The following CUBN variants were observed in gnomAD, a reference collection of about 807,000 sequenced individuals.
CUBN encodes cubilin.
A neutral mutation model predicts 405.3 loss-of-function variants in CUBN; 282 were observed. That is an observed-to-expected ratio of 0.70 (90% CI 0.63 to 0.77). CUBN has a LOEUF of 0.77. Among genes scored for constraint, CUBN ranks in the 30% least tolerant of loss-of-function variants. The probability of loss-of-function intolerance (pLI) is 0.00; values close to 1 mark genes in which losing one functional copy is unlikely to be tolerated. For synonymous variants in CUBN, 1,684 were observed against 1,617.0 expected, an observed-to-expected ratio of 1.04 and a Z score of -0.99; for missense variants, 4,514 against 4,475.2, an observed-to-expected ratio of 1.01 and a Z score of -0.25.
At chr10:16,947,689 A>G (rs114661587) in intron 35 of CUBN, among the ~76,000 whole-genome samples, 438 of 152,320 alleles carry the variant, frequency 2.9e-3, no homozygotes, top group African/African-American at 0.01. Context: ...CCAGGATTCT[A>G]TTCAACCCTG....
At chr10:17,113,655 G>A (rs79516083) in intron 8 of CUBN, among the ~76,000 whole-genome samples, 10,251 of 152,246 alleles carry the variant, frequency 0.067, 499 homozygotes, top group South Asian at 0.24. Flanking sequence ...ACTAGACTGT[G>A]GTGGAGATGC....
rs886046867 is a variant in CUBN, at chr10:16,906,299, G to C, written c.7816C>G (p.Pro2606Ala). 6.2e-7 allele frequency: 1 copy of C among 1,613,718 alleles called. No homozygotes were observed. The highest frequency in any genetic ancestry group is 8.5e-7 in the Non-Finnish European group (1 of 1,179,604). ...NLNCEWTLSN[P>A]NQGNSSISIH... is the part of the protein sequence containing the mutation. Reference sequence around the variant, plus strand: ...GAAATGGATGAATTTCCCTGATTTGGATTGCTGAGAGTCCATTCGCAGTTC... The same window carrying C: ...GAAATGGATGAATTTCCCTGATTTGCATTGCTGAGAGTCCATTCGCAGTTC... Residue 2606 changes from proline (P) to alanine (A), a missense_variant, in exon 50 of 67, where the codon CCA (proline) becomes GCA (alanine). Physicochemically the swap from Pro to Ala is conservative, Grantham distance 27. Around this residue, in one of 5 missense-constraint regions of CUBN, gnomAD observed 1,613 missense variants for 1,542.8 expected, o/e 1.05. Coordinates refer to ENST00000377833, the MANE Select transcript of CUBN (RefSeq NM_001081.4).
At chr10:17,022,244 A>C (rs1834519758) in intron 27 of CUBN, among the ~76,000 whole-genome samples, 1 of 152,168 alleles carries the variant, frequency 6.6e-6, no homozygotes, top group South Asian at 2.1e-4. Context: ...GCTGCTCATC[A>C]TAAGTGCTTG....
At chr10:16,979,023 T>C (rs146203306) in intron 31 of CUBN, among the ~76,000 whole-genome samples, 2,993 of 152,170 alleles carry the variant, frequency 0.02, 95 homozygotes, top group African/African-American at 0.069. Context: ...TGTGCAAAAA[T>C]CACAAGCATT....
intron 27 of CUBN, among the ~76,000 whole-genome samples, chr10:17,040,130 G>C (rs969358946): frequency 2.6e-5 from 4 of 152,078 alleles, no homozygotes; most frequent in African/African-American, 9.7e-5. Context: ...TTGTAAGTAA[G>C]ACTTCTAAAA....
intron 36 of CUBN, among the ~76,000 whole-genome samples, chr10:16,943,286 T>C (rs1347658382): frequency 1.3e-5 from 2 of 152,204 alleles, no homozygotes; most frequent in Non-Finnish European, 2.9e-5. Context: ...CACTACAGTA[T>C]AGACCATCTG....
At chr10:16,921,227 T>A (rs184844196) in intron 43 of CUBN, among the ~76,000 whole-genome samples, 11 of 152,338 alleles carry the variant, frequency 7.2e-5, no homozygotes, top group African/African-American at 2.6e-4. Context: ...TACATTAGGC[T>A]CCACTTTACA....
chr10:16,835,965 G>A (rs971523236), intron 63 of CUBN, among the ~76,000 whole-genome samples: 3 of 151,906 alleles, frequency 2.0e-5, no homozygotes, highest in Admixed American at 6.6e-5. Context: ...AAGATAATTG[G>A]CATATTTTTA....
At chr10:17,069,624 G>A (rs924860247) in intron 19 of CUBN, among the ~76,000 whole-genome samples, 4 of 152,140 alleles carry the variant, frequency 2.6e-5, no homozygotes, top group Non-Finnish European at 5.9e-5. Flanking sequence ...GCTCACTGCA[G>A]CCTCTACCTC....
intron 4 of CUBN, among the ~76,000 whole-genome samples, chr10:17,126,101 G>C (rs865865423): frequency 6.6e-6 from 1 of 152,034 alleles, no homozygotes; most frequent in South Asian, 2.1e-4. Context: ...GAATATTTTT[G>C]CAGAAATTCT....
intron 59 of CUBN, among the ~76,000 whole-genome samples, chr10:16,852,157 TTCCCTCCCTCCCTCTATCTTTCCC>T (rs1445729649): frequency 1.6e-3 from 154 of 94,068 alleles, no homozygotes; most frequent in African/African-American, 5.9e-3. Context: ...CACTCTATCT[TTCCCTCCCTCCCTCTATCTTTCCC>T]TCCCTCCCTC....
At chr10:17,104,329 G>A (rs940288657) in intron 12 of CUBN, 90 bp downstream of exon 12, 20 of 1,137,846 alleles carry the variant, frequency 1.8e-5, no homozygotes, top group Middle Eastern at 2.2e-4. Flanking sequence ...ACAAGAAAGT[G>A]GGTTCAGCAG....
rs186756888 is a variant in CUBN at position 17,051,276 on chromosome 10, G to A, written c.3140-3673C>T. Among the ~76,000 whole-genome samples, 691 of 152,156 alleles carry A rather than the reference G, an allele frequency of 4.5e-3. 19 individuals are homozygous for A. Among genetic ancestry groups the A allele is most frequent in the East Asian group, 2.9e-3 (15 of 5,170 alleles). On this transcript the variant is annotated intron_variant, in intron 22 of 66. Transcript: ENST00000377833. ...CTCAGGAGGCTAAGGCAGGAGGATC[G>A]CTTGAACCTGGGAGGTGGAGCTTGC...
rs35071026 is a variant in CUBN at position 17,026,631 on chromosome 10, C to CAA, written c.4018-6650_4018-6649dup. 7.1e-3 allele frequency among the ~76,000 whole-genome samples: 958 copies of CAA among 134,156 alleles called. 8 individuals are homozygous for CAA. Among genetic ancestry groups the CAA allele is most frequent in the East Asian group, 0.026 (125 of 4,860 alleles). 88.0% of individuals were successfully genotyped at this position (134,156 alleles called of 152,430 possible). On this transcript the variant is annotated intron_variant, in intron 27 of 66. Transcript: ENST00000377833. ...CCTGGGAAACAGAGCAAGATTCTCT[C>CAA]AAAAAAAAAAATAAATAAATAAATA...
At chr10:17,033,767 T>C (rs1834831581) in intron 27 of CUBN, among the ~76,000 whole-genome samples, 1 of 152,234 alleles carries the variant, frequency 6.6e-6, no homozygotes, top group Non-Finnish European at 1.5e-5. Flanking sequence ...TTTACTCTGA[T>C]GTGATTAGAA....
intron 59 of CUBN, among the ~76,000 whole-genome samples, chr10:16,868,001 G>T (rs182335855): frequency 4.6e-5 from 7 of 152,192 alleles, no homozygotes; most frequent in African/African-American, 1.4e-4. Context: ...TAGGACATTT[G>T]GTCTAAAGTC....
chr10:17,114,249 T>C (rs2131312467), intron 7 of CUBN, 60 bp from the exon 8 acceptor site: 1 of 1,547,362 alleles, frequency 6.5e-7, no homozygotes, highest in East Asian at 2.3e-5. Context: ...GAAAAGCCTT[T>C]GAACATTTCA....
chr10:17,119,672 A>G (rs1459592682), intron 6 of CUBN, among the ~76,000 whole-genome samples: 1 of 152,086 alleles, frequency 6.6e-6, no homozygotes, highest in Non-Finnish European at 1.5e-5. Flanking sequence ...AAACAAACAA[A>G]ACAAAACAAA....
At position 16,947,316 on chromosome 10, in the gene CUBN, T is replaced by TA. The variant is rs1842814705; in HGVS notation, c.5260dup (p.Tyr1754LeufsTer8). On this transcript the variant is annotated frameshift_variant, in exon 36 of 67. Coordinates refer to ENST00000377833, the MANE Select transcript of CUBN (RefSeq NM_001081.4). LOFTEE classifies it high-confidence loss of function. ...CACATTAGGGGGATAAATGTCTGGG[T>TA]AGCCAGGGCTGTTGAAGATGCCTTC... 1 of 1,613,920 alleles carries TA rather than the reference T, an allele frequency of 6.2e-7. No homozygotes were observed. Among genetic ancestry groups the TA allele is most frequent in the African/African-American group, 1.3e-5 (1 of 74,914 alleles).
Sources: gnomAD v4.1 joint callset for allele counts (sites outside exome capture counted in the v4.1 genomes callset) on GRCh38, gnomAD v4.1.1 for gene constraint, gnomAD v4.1.1 regional missense constraint, MANE v1.5 for transcripts, NCBI Gene and HGNC (gene_info 2026-07-23, HGNC 2026-07-21) for gene names.